The following TRPM5 variants were observed in gnomAD, a reference collection of about 807,000 sequenced individuals.
TRPM5 encodes the protein MLSN1 and TRP-related.
Under a neutral mutation model 124.9 loss-of-function variants are expected in TRPM5, and 121 were observed. The ratio of observed to expected loss-of-function variants is 0.97; its 90% confidence interval spans 0.84 to 1.13. TRPM5 has a LOEUF of 1.13. Among genes scored for constraint, TRPM5 ranks in the 50% most tolerant of loss-of-function variants. The pLI is 0.00. For synonymous variants in TRPM5, 781 were observed against 700.5 expected, an observed-to-expected ratio of 1.11 and a Z score of -1.81; for missense variants, 1,643 against 1,589.1, an observed-to-expected ratio of 1.03 and a Z score of -0.58.
the TRPM5 span, among the ~76,000 whole-genome samples, chr11:2,433,826 TTG>T: frequency 2.0e-5 from 3 of 152,050 alleles, no homozygotes; most frequent in Non-Finnish European, 1.5e-5. Context: ...TGTGTGGATG[TTG>T]TGTGTGTGTA....
intron 7 of TRPM5, 74 bp downstream of exon 12, chr11:2,417,653 T>C: frequency 8.0e-7 from 1 of 1,249,452 alleles, no homozygotes; most frequent in Non-Finnish European, 1.1e-6. Context: ...TTGGCCAGGC[T>C]GCCAAACCCC....
At position 2,422,401 on chromosome 11, in the gene TRPM5, A is replaced by AG. The variant is rs142626799; in HGVS notation, c.118-81dup. The AG allele has an allele frequency of 8.7e-3, 4,840 of 559,284 alleles. 219 individuals are homozygous for AG. In the African/African-American group the frequency reaches 0.14, roughly 17 times the overall value. The allele number at this position is 559,284 out of a possible 1,614,324, so 34.6% of individuals were successfully genotyped here. A position where few individuals can be genotyped will look rare whatever the true frequency, so the allele number is the denominator to read the frequency against. On this transcript the variant is annotated intron_variant, in intron 1 of 23. Transcript: ENST00000155858. ...TGGGCATTGGGGGGGGCTGGACACAAGGGGGCACTGGGGAGGTGCTGAGCA... is the reference window on the plus strand; with the variant it reads ...TGGGCATTGGGGGGGGCTGGACACAAGGGGGGCACTGGGGAGGTGCTGAGCA...
chr11:2,433,567 G>A, the TRPM5 span, among the ~76,000 whole-genome samples: 1 of 152,214 alleles, frequency 6.6e-6, no homozygotes, highest in Non-Finnish European at 1.5e-5. Context: ...GGTCAAGGCT[G>A]CAGTAGGACT....
chr11:2,441,365 G>C, the TRPM5 span, among the ~76,000 whole-genome samples: 1 of 152,032 alleles, frequency 6.6e-6, no homozygotes, highest in African/African-American at 2.4e-5. This position sits in a 1 kb window ranked among gnomAD's most constrained non-coding sequence, Gnocchi z 7.2. Context: ...GGCCCCACTT[G>C]TATTGTCTGT....
intron 18 of TRPM5, among the ~76,000 whole-genome samples, chr11:2,408,252 C>T (rs1045941904): frequency 3.9e-5 from 6 of 152,118 alleles, no homozygotes; most frequent in African/African-American, 7.2e-5. Flanking sequence ...AGAGGGGTCA[C>T]GGGACCCAGG....
At chr11:2,414,009 G>GGGCGCCCCCCCCCCCCCCC in intron 12 of TRPM5, 52 bp downstream of exon 17, 11 of 1,023,720 alleles carry the variant, frequency 1.1e-5, no homozygotes, top group East Asian at 2.8e-5. Flanking sequence ...GGCCCAGCTC[G>GGGCGCCCCCCCCCCCCCCC]CCCGCCCACC....
At chr11:2,429,743 G>T in the TRPM5 span, among the ~76,000 whole-genome samples, 1 of 151,992 alleles carries the variant, frequency 6.6e-6, no homozygotes, top group Non-Finnish European at 1.5e-5. The surrounding 1 kb of genome is among the most constrained non-coding windows in gnomAD (Gnocchi z 8.4). Flanking sequence ...TGATGGTGAT[G>T]ATGATGATGG....
chr11:2,423,971 C>T (rs756721133), upstream of TRPM5, among the ~76,000 whole-genome samples: 5 of 152,194 alleles, frequency 3.3e-5, no homozygotes, highest in Non-Finnish European at 5.9e-5. Context: ...TGCTTGAGGA[C>T]AAGCCCTGGC....
upstream of TRPM5, among the ~76,000 whole-genome samples, chr11:2,423,567 C>T (rs77886454): frequency 0.036 from 5,556 of 152,224 alleles, 297 homozygotes; most frequent in African/African-American, 0.12. Context: ...GCGGTGTGGA[C>T]GAGAGACCAC....
In TRPM5 at chr11:2,422,010, G is replaced by T. The variant is rs1005897; in HGVS notation, c.298+131C>A. ...GGGGTGGGAGCATTGCCTGTGCCGG[G>T]TGGGGGGACAGTCAGGGGGTCTGGC... On this transcript the variant is annotated intron_variant, in intron 2 of 23. Transcript: ENST00000155858. 1.1e-3 allele frequency: 653 copies of T among 606,592 alleles called. 2 individuals carry two copies. The highest frequency in any genetic ancestry group is 6.4e-3 in the East Asian group (172 of 26,886). 37.6% of individuals were successfully genotyped at this position (606,592 alleles called of 1,614,324 possible).
At chr11:2,411,578 C>T in intron 17 of TRPM5, 52 bp from the exon 23 acceptor site, 1 of 1,609,006 alleles carries the variant, frequency 6.2e-7, no homozygotes, top group Non-Finnish European at 8.5e-7. Flanking sequence ...CCGGGTGGGG[C>T]CCAGGCAGGG....
chr11:2,413,031 C>T lies in TRPM5; in HGVS notation c.2097-19G>A, dbSNP rs772692441. The T allele has an allele frequency of 1.4e-5, 23 of 1,592,422 alleles. No individual in the cohort carries two copies. Among genetic ancestry groups the T allele is most frequent in the East Asian group, 6.8e-5 (3 of 44,012 alleles). ...CTCCACCCTGTGCCGCAGAGAAGTT[C>T]GCAGTGGTGAGGCTGGCGCCCAGCC... On this transcript the variant is annotated intron_variant, in intron 14 of 23. Coordinates refer to ENST00000155858, the Ensembl canonical transcript of TRPM5.
intron 18 of TRPM5, 24 bp downstream of exon 23, chr11:2,411,327 CT>C: frequency 6.5e-7 from 1 of 1,541,206 alleles, no homozygotes; most frequent in Non-Finnish European, 8.8e-7. Flanking sequence ...CTCCCTGCCC[CT>C]GCCCCCGCTG....
chr11:2,443,833 C>T, the TRPM5 span, among the ~76,000 whole-genome samples: 2 of 148,156 alleles, frequency 1.3e-5, no homozygotes, highest in African/African-American at 5.0e-5. The surrounding 1 kb of genome is among the most constrained non-coding windows in gnomAD (Gnocchi z 5.0). Flanking sequence ...ACCCCCCCCC[C>T]AAGCCTGAGA....
intron 11 of TRPM5, 34 bp downstream of exon 16, chr11:2,414,681 C>T (rs1850527746): frequency 7.1e-7 from 1 of 1,399,302 alleles, no homozygotes; most frequent in Non-Finnish European, 9.2e-7. Flanking sequence ...TCCTCCCCCG[C>T]GCGCGGGCCC....
At chr11:2,440,003 AAAG>A in the TRPM5 span, among the ~76,000 whole-genome samples, 2 of 152,216 alleles carry the variant, frequency 1.3e-5, no homozygotes, top group Non-Finnish European at 2.9e-5. The surrounding 1 kb of genome is among the most constrained non-coding windows in gnomAD (Gnocchi z 5.2). Flanking sequence ...CAGCCATGAA[AAAG>A]AATAAAACCA....
chr11:2,434,219 G>A, the TRPM5 span, among the ~76,000 whole-genome samples: 2 of 151,672 alleles, frequency 1.3e-5, no homozygotes, highest in African/African-American at 2.4e-5. Flanking sequence ...GTGTGTCTGT[G>A]TGGACGCTGT....
chr11:2,405,691 C>A, intron 22 of TRPM5, 98 bp from the exon 28 acceptor site: 1 of 1,333,610 alleles, frequency 7.5e-7, no homozygotes. Context: ...AGGGCCCCCG[C>A]TGCCCTGTGA....
upstream of TRPM5, among the ~76,000 whole-genome samples, chr11:2,427,483 C>T (rs1047481307): frequency 6.6e-6 from 1 of 152,198 alleles, no homozygotes; most frequent in Non-Finnish European, 1.5e-5. Context: ...CAATGCCAGC[C>T]CTAGGGAGCT....
Sources: gnomAD v4.1 joint callset for allele counts (sites outside exome capture counted in the v4.1 genomes callset) on GRCh38, gnomAD v4.1.1 for gene constraint, Gnocchi (gnomAD v3.1) non-coding constraint, MANE v1.5 for transcripts, NCBI Gene and HGNC (gene_info 2026-07-23, HGNC 2026-07-21) for gene names.